UGGT1: variants seen among roughly 807,000 people sequenced by gnomAD.
The protein encoded by UGGT1 is UDP-glucose glycoprotein glucosyltransferase 1, also known as UDP-glucose:glycoprotein glucosyltransferase 1.
Under a neutral mutation model 203.9 loss-of-function variants are expected in UGGT1, and 107 were observed. The ratio of observed to expected loss-of-function variants is 0.52; its 90% CI spans 0.45 to 0.62. The LOEUF (loss-of-function observed/expected upper bound fraction) is 0.62. UGGT1 is among the 20% of genes least tolerant of loss of function. UGGT1 has a pLI of 0.00. For synonymous variants in UGGT1, 628 were observed against 653.5 expected (o/e 0.96, Z 0.59); for missense variants, 1,673 against 1,867.2 (o/e 0.90, Z 1.92).
intron 26 of UGGT1, 145 bp downstream of exon 26, chr2:128,164,970 A>G (rs2104759094): frequency 3.4e-6 from 2 of 592,882 alleles, no homozygotes; most frequent in Non-Finnish European, 5.7e-6. Flanking sequence ...CAGTTTTCAC[A>G]TGTATATATT....
intron 18 of UGGT1, among the ~76,000 whole-genome samples, chr2:128,146,178 G>A (rs1216064927): frequency 1.3e-5 from 2 of 152,078 alleles, no homozygotes; most frequent in East Asian, 1.9e-4. Context: ...AGGCTTGGTG[G>A]TGCACGCCTG....
chr2:128,127,577 T>C, intron 12 of UGGT1, 125 bp downstream of exon 12: 1 of 692,132 alleles, frequency 1.4e-6, no homozygotes, highest in Non-Finnish European at 2.5e-6. Flanking sequence ...CAGCCCCCAC[T>C]GGGTGGACGT....
chr2:128,156,941 A>T (rs1281142073), intron 21 of UGGT1, among the ~76,000 whole-genome samples: 1 of 152,222 alleles, frequency 6.6e-6, no homozygotes, highest in African/African-American at 2.4e-5. Context: ...TATGATTAAA[A>T]ATGACAATAT....
intron 15 of UGGT1, among the ~76,000 whole-genome samples, chr2:128,137,066 C>T: frequency 6.6e-6 from 1 of 152,050 alleles, no homozygotes. Flanking sequence ...TTTTTTCCCC[C>T]TGCCCTTTTG....
intron 6 of UGGT1, among the ~76,000 whole-genome samples, chr2:128,114,111 T>A (rs1687987970): frequency 6.6e-6 from 1 of 152,110 alleles, no homozygotes; most frequent in African/African-American, 2.4e-5. Flanking sequence ...AAAATAAAAT[T>A]TTATTTATTG....
In UGGT1 at chr2:128,182,181, C is replaced by T. The variant is rs775198790; in HGVS notation, c.4135C>T (p.Pro1379Ser). ...ELRDFNLDGA[P>S]YGYTPFCDSR... ...AAGAGATTTCAATTTGGATGGTGCTCCTTATGGTTACACTCCTTTCTGTGA... is the reference window on the plus strand; with the variant it reads ...AAGAGATTTCAATTTGGATGGTGCTTCTTATGGTTACACTCCTTTCTGTGA... The change falls in exon 37 of 41, where the codon CCT (proline) becomes TCT (serine). Residue 1379 changes from proline to serine, a missense_variant. By Grantham distance (74) the Pro-to-Ser change is moderately conservative. Around this residue, in one of 4 missense-constraint regions of UGGT1, gnomAD observed 513 missense variants for 684.1 expected, o/e 0.75. Transcript: ENST00000259253. 9 of 1,613,974 alleles carry T rather than the reference C, an allele frequency of 5.6e-6. No homozygotes were observed. In the South Asian group the frequency reaches 6.6e-5, roughly 12 times the overall value.
chr2:128,162,497 G>C (rs1690576839), intron 25 of UGGT1, among the ~76,000 whole-genome samples: 1 of 151,958 alleles, frequency 6.6e-6, no homozygotes. Context: ...CAGAGTTCAA[G>C]AGCATGTTTT....
chr2:128,113,536 T>G (rs1234278295), intron 6 of UGGT1, among the ~76,000 whole-genome samples: 1 of 152,246 alleles, frequency 6.6e-6, no homozygotes. Flanking sequence ...TTTAATATGG[T>G]CATCATACTA....
In UGGT1 at chr2:128,142,777, T is replaced by G. The variant is rs754250102; in HGVS notation, c.1720-317T>G. 9.9e-3 allele frequency among the ~76,000 whole-genome samples: 1,487 copies of G among 150,004 alleles called. 13 individuals carry two copies. Among genetic ancestry groups the G allele is most frequent in the Middle Eastern group, 0.021 (6 of 290 alleles). On this transcript the variant is annotated intron_variant, in intron 16 of 40. Transcript: ENST00000259253. ...GCGGGTGGATCACCTGAGGTCAGGG[T>G]TTCAAGACCAGCCTGGCCAACATGG...
chr2:128,127,529 C>G (rs1688661975), intron 12 of UGGT1, 77 bp downstream of exon 12: 1 of 1,129,938 alleles, frequency 8.9e-7, no homozygotes, highest in Non-Finnish European at 1.3e-6. Context: ...ATTGCCGTTC[C>G]TTCTTGATAT....
At chr2:128,107,500 G>A (rs895358546) in intron 3 of UGGT1, among the ~76,000 whole-genome samples, 3 of 152,188 alleles carry the variant, frequency 2.0e-5, no homozygotes, top group African/African-American at 7.2e-5. Context: ...AGTCTAAGTG[G>A]GGTATAGATA....
chr2:128,147,900 T>C (rs1689767151), intron 18 of UGGT1, among the ~76,000 whole-genome samples: 1 of 152,218 alleles, frequency 6.6e-6, no homozygotes, highest in African/African-American at 2.4e-5. Flanking sequence ...ATTACAGGCA[T>C]GAGCCACCAT....
chr2:128,099,110 G>A (rs1687249369), intron 2 of UGGT1, among the ~76,000 whole-genome samples: 1 of 152,084 alleles, frequency 6.6e-6, no homozygotes, highest in African/African-American at 2.4e-5. Flanking sequence ...CAGCCTTGTG[G>A]TCTGTCTTCT....
intron 26 of UGGT1, among the ~76,000 whole-genome samples, chr2:128,168,135 A>G (rs1234651555): frequency 6.6e-6 from 1 of 152,186 alleles, no homozygotes; most frequent in East Asian, 1.9e-4. Flanking sequence ...AGAGTTTGTT[A>G]AAATGCAGAT....
At chr2:128,138,577 G>T in intron 15 of UGGT1, 140 bp from the exon 16 acceptor site, 1 of 933,632 alleles carries the variant, frequency 1.1e-6, no homozygotes, top group South Asian at 1.7e-5. Flanking sequence ...TTAGAGTAGA[G>T]TAGGCTGTGA....
rs1687974378 is a variant in UGGT1, at chr2:128,113,742, A to AAAGTTTCTAT, written c.696+484_696+485insAAGTTTCTAT. ...ACGCCTGTAATCCCAGCACTTTGGG[A>AAAGTTTCTAT]GGCCGAGGCGGGCGGATCACGAGGT... On this transcript the variant is annotated intron_variant, in intron 6 of 40. Coordinates refer to ENST00000259253, the MANE Select transcript of UGGT1 (RefSeq NM_020120.4). Among the ~76,000 whole-genome samples, 8 of 3,150 alleles carry AAAGTTTCTAT rather than the reference A, an allele frequency of 2.5e-3. 2 individuals carry two copies. Among genetic ancestry groups the AAAGTTTCTAT allele is most frequent in the African/African-American group, 2.6e-3 (7 of 2,692 alleles). The allele number at this position is 3,150 out of a possible 152,430, so 2.1% of individuals were successfully genotyped here.
At position 128,195,615 on chromosome 2, in the gene UGGT1, C is replaced by G. The variant is rs545489789; in HGVS notation, c.*5873C>G. The stretch of plus-strand genomic sequence containing the variant: ...TTCGAAGGGAATTGAGAATGAACTT[C>G]CTGGTACTGTAATGAAAATAAGGTC... On this transcript the variant is annotated 3_prime_UTR_variant, in exon 41 of 41. Transcript: ENST00000259253. 26 of 152,294 alleles carry G rather than the reference C, an allele frequency of 1.7e-4. No individual in the cohort carries two copies. The highest frequency in any genetic ancestry group is 1.2e-3 in the Admixed American group (19 of 15,294). 9.4% of individuals were successfully genotyped at this position (152,294 alleles called of 1,614,324 possible).
At chr2:128,112,434 AC>A (rs1209224510) in intron 5 of UGGT1, among the ~76,000 whole-genome samples, 4 of 113,938 alleles carry the variant, frequency 3.5e-5, no homozygotes, top group African/African-American at 1.2e-4. Flanking sequence ...AAAAAAAAAA[AC>A]CCCCCAAAAA....
chr2:128,111,160 C>T (rs190773013), intron 5 of UGGT1, among the ~76,000 whole-genome samples: 20 of 152,218 alleles, frequency 1.3e-4, no homozygotes, highest in South Asian at 6.2e-4. Context: ...CCAGACCAAC[C>T]GGTGCAACAA....
Sources: gnomAD v4.1 joint callset for allele counts (sites outside exome capture counted in the v4.1 genomes callset) on GRCh38, gnomAD v4.1.1 for gene constraint, gnomAD v4.1.1 regional missense constraint, MANE v1.5 for transcripts, NCBI Gene and HGNC (gene_info 2026-07-23, HGNC 2026-07-21) for gene names.